Variants in NEBL observed in about 807,000 individuals in gnomAD.
The protein encoded by NEBL is nebulette.
A neutral mutation model predicts 140.2 loss-of-function variants in NEBL; 122 were observed. The observed-to-expected ratio is 0.87, with a 90% CI of 0.75 to 1.01. The LOEUF (loss-of-function observed/expected upper bound fraction) is 1.01, where lower values mean the gene tolerates loss of function less well. NEBL is among the 50% of genes least tolerant of loss of function. The pLI is 0.00. For synonymous variants in NEBL, 436 were observed against 398.9 expected, an observed-to-expected ratio of 1.09 and a Z score of -1.11; for missense variants, 1,365 against 1,231.3, an observed-to-expected ratio of 1.11 and a Z score of -1.62.
At chr10:20,971,526 A>G (rs1200654153) in intron 3 of NEBL, among the ~76,000 whole-genome samples, 6 of 150,424 alleles carry the variant, frequency 4.0e-5, no homozygotes, top group Non-Finnish European at 8.9e-5. Flanking sequence ...TACATGTGCC[A>G]TGCTGGTGCG....
At chr10:20,952,464 T>C (rs887836162) in intron 4 of NEBL, among the ~76,000 whole-genome samples, 1 of 143,546 alleles carries the variant, frequency 7.0e-6, no homozygotes, top group African/African-American at 2.6e-5. Context: ...AAAAAAGAAC[T>C]GGAAATAGGA....
chr10:21,126,443 A>G (rs1257199659), intron 2 of NEBL, among the ~76,000 whole-genome samples: 1 of 152,224 alleles, frequency 6.6e-6, no homozygotes, highest in African/African-American at 2.4e-5. Context: ...CAAATGCATT[A>G]GTTCACCCAG....
At chr10:20,884,944 ATC>A (rs910620572) in intron 4 of NEBL, among the ~76,000 whole-genome samples, 4 of 152,158 alleles carry the variant, frequency 2.6e-5, no homozygotes, top group African/African-American at 9.7e-5. Flanking sequence ...AAAACTCTAC[ATC>A]TCTCTCTCTT....
At chr10:21,286,628 C>T (rs1843058349) in intron 1 of NEBL, among the ~76,000 whole-genome samples, 1 of 152,114 alleles carries the variant, frequency 6.6e-6, no homozygotes, top group African/African-American at 2.4e-5. Context: ...GTCAGGAGAT[C>T]GAGACCATCC....
intron 2 of NEBL, chr10:21,125,668 A>G: frequency 1.8e-6 from 1 of 545,858 alleles, no homozygotes; most frequent in South Asian, 3.4e-5. Flanking sequence ...ATTTGTGCCA[A>G]AATGAGAAAT....
chr10:21,124,406 C>T (rs986654362), intron 2 of NEBL, among the ~76,000 whole-genome samples: 1 of 152,146 alleles, frequency 6.6e-6, no homozygotes, highest in African/African-American at 2.4e-5. Flanking sequence ...ACTTGCTGAA[C>T]CATTATAATC....
chr10:20,906,975 A>T (rs1848119538), intron 4 of NEBL, among the ~76,000 whole-genome samples: 1 of 152,102 alleles, frequency 6.6e-6, no homozygotes, highest in Admixed American at 6.6e-5. Context: ...AATCCTGTGT[A>T]TTTGAACTTC....
Position 20,963,001 on chromosome 10 carries a change from AAAAC to A in NEBL, c.250-1226_250-1223del, listed in dbSNP as rs1349611304. Among the ~76,000 whole-genome samples, 257 of 100,820 alleles carry A rather than the reference AAAAC, an allele frequency of 2.5e-3. 2 individuals carry two copies. The highest frequency in any genetic ancestry group is 8.9e-3 in the African/African-American group (214 of 23,940). The allele number at this position is 100,820 out of a possible 152,430, so 66.1% of individuals were successfully genotyped here. ...TCTTTTACCAGACAAGCTTGAAAGA[AAAAC>A]ACACACACACACACACACACACACA... is the stretch of plus-strand genomic sequence containing the variant. On this transcript the variant is annotated intron_variant, in intron 3 of 6. Coordinates refer to the NEBL transcript ENST00000417816.
chr10:21,019,392 C>G (rs576664042), intron 3 of NEBL, among the ~76,000 whole-genome samples: 361 of 152,342 alleles, frequency 2.4e-3, no homozygotes, highest in Non-Finnish European at 4.1e-3. Flanking sequence ...TCCTTCTCCC[C>G]TCTTCCGTCC....
At chr10:21,148,509 C>T (rs562844208) in intron 2 of NEBL, among the ~76,000 whole-genome samples, 16 of 152,050 alleles carry the variant, frequency 1.1e-4, no homozygotes, top group East Asian at 3.9e-4. Flanking sequence ...TTTTTGTTGT[C>T]GTTGTTGTTT....
chr10:21,148,756 C>T (rs944078620), intron 2 of NEBL, among the ~76,000 whole-genome samples: 2 of 152,036 alleles, frequency 1.3e-5, no homozygotes, highest in Admixed American at 1.3e-4. Context: ...AATCTCCTGA[C>T]CTTAAGTGAT....
intron 2 of NEBL, among the ~76,000 whole-genome samples, chr10:21,027,376 G>A (rs1206909463): frequency 6.7e-6 from 1 of 149,752 alleles, no homozygotes; most frequent in East Asian, 2.0e-4. Flanking sequence ...CACCTAGGCT[G>A]AAGTGCAGTG....
At chr10:21,093,157 T>TTTTTTTTTTTTTTTTTTTTTC (rs1348569295) in intron 2 of NEBL, among the ~76,000 whole-genome samples, 1 of 146,066 alleles carries the variant, frequency 6.8e-6, no homozygotes, top group African/African-American at 2.6e-5. Flanking sequence ...AGTCTTTTTT[T>TTTTTTTTTTTTTTTTTTTTTC]TTTTTTTTCC....
At chr10:20,888,267 G>A in intron 3 of NEBL, 60 bp from the exon 4 acceptor site, 4 of 1,002,966 alleles carry the variant, frequency 4.0e-6, no homozygotes, top group Admixed American at 2.1e-5. Flanking sequence ...TTTAAACTGT[G>A]ATTATAAGTA....
At chr10:21,178,328 C>T (rs1001274161), upstream of NEBL, among the ~76,000 whole-genome samples, 2 of 152,162 alleles carry the variant, frequency 1.3e-5, no homozygotes, top group African/African-American at 4.8e-5. Context: ...GGGAATAAGA[C>T]ATGATCTCTG....
At chr10:21,251,271 T>C (rs1286580004) in intron 2 of NEBL, among the ~76,000 whole-genome samples, 1 of 152,202 alleles carries the variant, frequency 6.6e-6, no homozygotes, top group Non-Finnish European at 1.5e-5. Flanking sequence ...CATAGCTTGT[T>C]CATTTTCTGG....
chr10:20,853,635 G>C (rs191293827), intron 9 of NEBL, among the ~76,000 whole-genome samples: 127 of 152,160 alleles, frequency 8.3e-4, no homozygotes, highest in African/African-American at 2.8e-3. Context: ...AAAAAATAAA[G>C]AAATCAGCTG....
At chr10:21,125,138 C>T (rs758574276) in intron 2 of NEBL, among the ~76,000 whole-genome samples, 4 of 152,108 alleles carry the variant, frequency 2.6e-5, no homozygotes, top group Non-Finnish European at 5.9e-5. Flanking sequence ...GAAAGCAATG[C>T]TAACATCTCT....
At chr10:21,087,320 A>C (rs1284939228) in intron 2 of NEBL, among the ~76,000 whole-genome samples, 2 of 152,182 alleles carry the variant, frequency 1.3e-5, no homozygotes, top group Admixed American at 1.3e-4. Flanking sequence ...AATTTGTGTG[A>C]GATGAGCCTG....
Sources: gnomAD v4.1 joint callset for allele counts (sites outside exome capture counted in the v4.1 genomes callset) on GRCh38, gnomAD v4.1.1 for gene constraint, MANE v1.5 for transcripts, NCBI Gene and HGNC (gene_info 2026-07-23, HGNC 2026-07-21) for gene names.